Variants in NRCAM observed in about 807,000 individuals in gnomAD.
NRCAM encodes the protein neuronal cell adhesion molecule.
NRCAM carries 83 observed loss-of-function variants against 156.5 expected under a neutral mutation model. That is an observed-to-expected ratio of 0.53 (90% CI 0.44 to 0.64). The LOEUF (loss-of-function observed/expected upper bound fraction) is 0.64, where lower values mean the gene tolerates loss of function less well. Ranked by LOEUF, NRCAM falls within the 30% of genes least tolerant of loss-of-function variation. The probability of loss-of-function intolerance (pLI) is 0.00; values close to 1 mark genes in which losing one functional copy is unlikely to be tolerated. For missense variants in NRCAM, 1,417 were observed against 1,597.3 expected, an observed-to-expected ratio of 0.89 and a Z score of 1.92; for synonymous variants, 538 against 563.9, an observed-to-expected ratio of 0.95 and a Z score of 0.65.
At chr7:108,267,054 T>C (rs900789749) in intron 3 of NRCAM, among the ~76,000 whole-genome samples, 5 of 152,144 alleles carry the variant, frequency 3.3e-5, no homozygotes, top group African/African-American at 4.8e-5. Flanking sequence ...ATTATTCCAA[T>C]AGGGTGTTAT....
intron 30 of NRCAM, among the ~76,000 whole-genome samples, chr7:108,164,198 G>A (rs1263100999): frequency 6.9e-6 from 1 of 145,392 alleles, no homozygotes; most frequent in African/African-American, 2.6e-5. Flanking sequence ...GTCATACCAG[G>A]TGGGGTGGGG....
intron 3 of NRCAM, among the ~76,000 whole-genome samples, chr7:108,281,403 G>A (rs1347696711): frequency 6.6e-6 from 1 of 151,922 alleles, no homozygotes; most frequent in Admixed American, 6.6e-5. Flanking sequence ...ACAGGAGACT[G>A]TGCCATAAAT....
At chr7:108,437,895 GAAGTA>G (rs1267142568) in intron 1 of NRCAM, among the ~76,000 whole-genome samples, 3 of 151,700 alleles carry the variant, frequency 2.0e-5, no homozygotes, top group Admixed American at 6.6e-5. Context: ...GTATTATTCT[GAAGTA>G]AAGTAAAATA....
intron 3 of NRCAM, among the ~76,000 whole-genome samples, chr7:108,245,764 G>C (rs555655200): frequency 5.3e-5 from 8 of 152,266 alleles, no homozygotes; most frequent in African/African-American, 1.9e-4. Context: ...TTGGGACACT[G>C]ACATTAGATT....
chr7:108,211,725 C>T (rs901009420), intron 11 of NRCAM, among the ~76,000 whole-genome samples: 2 of 152,016 alleles, frequency 1.3e-5, no homozygotes, highest in Non-Finnish European at 2.9e-5. Context: ...GGGAACCTCA[C>T]CCCCTCCCCC....
At chr7:108,346,858 A>C (rs931007423) in intron 2 of NRCAM, among the ~76,000 whole-genome samples, 1 of 151,872 alleles carries the variant, frequency 6.6e-6, no homozygotes, top group African/African-American at 2.4e-5. Flanking sequence ...GTAGGAAAAA[A>C]GCAGAATATG....
chr7:108,252,451 C>T (rs2096404712), intron 3 of NRCAM, among the ~76,000 whole-genome samples: 1 of 152,234 alleles, frequency 6.6e-6, no homozygotes, highest in Non-Finnish European at 1.5e-5. Context: ...ACTCCTCTCA[C>T]AAGCCTTGCA....
Position 108,364,264 on chromosome 7 carries a change from T to G in NRCAM, c.-174+35172A>C, listed in dbSNP as rs111376469. 7.1e-3 allele frequency among the ~76,000 whole-genome samples: 1,079 copies of G among 152,322 alleles called. 8 individuals carry two copies. The highest frequency in any genetic ancestry group is 0.025 in the African/African-American group (1,022 of 41,580). ...CAAGAACATGAAGACATGCTCAACA[T>G]CATTAGTCATTAAGAAAATGCAAAT... On this transcript the variant is annotated intron_variant, in intron 2 of 32. Coordinates refer to ENST00000379028, the MANE Select transcript of NRCAM (RefSeq NM_001037132.4).
chr7:108,156,871 T>C (rs1270935185), intron 32 of NRCAM, among the ~76,000 whole-genome samples: 2 of 152,176 alleles, frequency 1.3e-5, no homozygotes, highest in African/African-American at 4.8e-5. Context: ...AAAGATTCTG[T>C]TAATAAACAG....
Position 108,209,625 on chromosome 7 carries a change from A to C in NRCAM, c.891-20T>G. 1.3e-6 allele frequency: 2 copies of C among 1,544,422 alleles called. No homozygotes were observed. On this transcript the variant is annotated intron_variant, in intron 11 of 32. Transcript: ENST00000379028. The stretch of plus-strand genomic sequence containing the variant: ...GTAGGCCTGATAGGATAAATAAATA[A>C]TGATGTTACAAAAAAGGAATCCACC...
At chr7:108,317,406 C>G (rs2098940562) in intron 2 of NRCAM, among the ~76,000 whole-genome samples, 1 of 152,060 alleles carries the variant, frequency 6.6e-6, no homozygotes, top group Admixed American at 6.6e-5. Flanking sequence ...TAAATAACTC[C>G]TTAGTAGAAA....
chr7:108,345,034 C>T (rs1398497692), intron 2 of NRCAM, among the ~76,000 whole-genome samples: 1 of 152,146 alleles, frequency 6.6e-6, no homozygotes, highest in Admixed American at 6.5e-5. Context: ...AACAAATTAG[C>T]AGGACCTGAT....
At chr7:108,358,799 C>G (rs765087635) in intron 2 of NRCAM, among the ~76,000 whole-genome samples, 1 of 152,212 alleles carries the variant, frequency 6.6e-6, no homozygotes, top group Non-Finnish European at 1.5e-5. Context: ...CGGCAGATGT[C>G]TGGTCAGGAA....
chr7:108,367,327 T>C (rs2099598015), intron 2 of NRCAM, among the ~76,000 whole-genome samples: 1 of 152,180 alleles, frequency 6.6e-6, no homozygotes, highest in Admixed American at 6.5e-5. Flanking sequence ...ATATATATAG[T>C]ATTTTCATTT....
intron 2 of NRCAM, among the ~76,000 whole-genome samples, chr7:108,367,314 AAT>A (rs1007540713): frequency 1.3e-5 from 2 of 152,200 alleles, no homozygotes; most frequent in African/African-American, 2.4e-5. Flanking sequence ...TTAGATATGA[AAT>A]ATATATATAG....
intron 3 of NRCAM, among the ~76,000 whole-genome samples, chr7:108,284,556 T>G (rs1269637737): frequency 2.0e-5 from 3 of 151,850 alleles, no homozygotes; most frequent in Non-Finnish European, 4.4e-5. Context: ...TAAGGTCCCT[T>G]ATGATTTGAC....
chr7:108,196,050 T>C (rs540492084), intron 14 of NRCAM, among the ~76,000 whole-genome samples, 178 bp from the exon 15 acceptor site: 17 of 152,308 alleles, frequency 1.1e-4, no homozygotes, highest in African/African-American at 4.1e-4. Flanking sequence ...GAAAAATACA[T>C]TTTTCCTCCC....
intron 18 of NRCAM, 113 bp downstream of exon 18, chr7:108,191,616 C>T: frequency 7.8e-7 from 1 of 1,278,544 alleles, no homozygotes; most frequent in Non-Finnish European, 1.1e-6. Context: ...TGGGTATGAA[C>T]TCACCCATGC....
At chr7:108,304,708 C>G (rs1256463273) in intron 3 of NRCAM, among the ~76,000 whole-genome samples, 1 of 152,110 alleles carries the variant, frequency 6.6e-6, no homozygotes, top group Non-Finnish European at 1.5e-5. Context: ...ATGTTCCCAG[C>G]ACTCATTCAA....
Sources: gnomAD v4.1 joint callset for allele counts (sites outside exome capture counted in the v4.1 genomes callset) on GRCh38, gnomAD v4.1.1 for gene constraint, MANE v1.5 for transcripts, NCBI Gene and HGNC (gene_info 2026-07-23, HGNC 2026-07-21) for gene names.